MICAL2: variants seen among roughly 807,000 people sequenced by gnomAD.
The protein encoded by MICAL2 is [F-actin]-monooxygenase MICAL2.
MICAL2 carries 77 observed loss-of-function variants against 127.3 expected under a neutral mutation model. That is an observed-to-expected ratio of 0.60 (90% CI 0.50 to 0.73). MICAL2 has a LOEUF of 0.73. Among genes scored for constraint, MICAL2 ranks in the 30% least tolerant of loss-of-function variants. MICAL2 has a pLI of 0.00. For synonymous variants in MICAL2, 570 were observed against 551.1 expected, an observed-to-expected ratio of 1.03 and a Z score of -0.48; for missense variants, 1,351 against 1,434.4, an observed-to-expected ratio of 0.94 and a Z score of 0.94.
chr11:12,293,124 A>T (rs1289841553), downstream of MICAL2, among the ~76,000 whole-genome samples: 2 of 152,216 alleles, frequency 1.3e-5, no homozygotes, highest in Non-Finnish European at 2.9e-5. Context: ...TTGTTGGAGG[A>T]ACATACCTAT....
downstream of MICAL2, among the ~76,000 whole-genome samples, chr11:12,290,963 T>TG (rs1432489742): frequency 2.6e-5 from 4 of 152,102 alleles, no homozygotes; most frequent in Non-Finnish European, 2.9e-5. Context: ...CTCAGAGCTT[T>TG]GGGGAAACTA....
At chr11:12,316,074 TTGATACAGCCACA>T (rs1480231278) in intron 29 of MICAL2, among the ~76,000 whole-genome samples, 5 of 152,104 alleles carry the variant, frequency 3.3e-5, no homozygotes, top group Non-Finnish European at 7.4e-5. Context: ...ACAAATTACT[TTGATACAGCCACA>T]TGATCTTTCT....
intron 29 of MICAL2, among the ~76,000 whole-genome samples, chr11:12,315,445 C>CA (rs1227072949): frequency 1.3e-5 from 2 of 152,040 alleles, no homozygotes; most frequent in African/African-American, 4.8e-5. Context: ...GACTCTGTCT[C>CA]AAAAATACAT....
intron 3 of MICAL2, among the ~76,000 whole-genome samples, chr11:12,192,562 G>A (rs1376503329): frequency 3.9e-5 from 6 of 152,172 alleles, no homozygotes; most frequent in African/African-American, 1.4e-4. Flanking sequence ...TGAATCACTT[G>A]AAGTCAGGAG....
Position 12,262,519 on chromosome 11 carries a change from G to T in MICAL2, c.3374G>T (p.Ter1125LeuextTer12). The T allele has an allele frequency of 6.2e-7, 1 of 1,613,448 alleles. No homozygotes were observed. Reference protein sequence around the residue: ...SLPVLHPLLG* With the variant: ...SLPVLHPLLGL ...CCAGTGCTACACCCACTTCTTGGCT[G>T]ACACACTTCTGCTCTAAGGTGACTG... is the stretch of plus-strand genomic sequence containing the variant. The change falls in exon 27 of 28, where the codon TGA (stop) becomes TTA (leucine). Residue 1125 changes from the stop codon to leucine, a stop_lost. Coordinates refer to ENST00000683283, the MANE Select transcript of MICAL2 (RefSeq NM_001282663.2).
rs77952477 is a variant in MICAL2 at position 12,270,588 on chromosome 11, C to G, written c.3335-5398C>G. Among the ~76,000 whole-genome samples the G allele has an allele frequency of 9.9e-3, 1,503 of 152,304 alleles. 24 individuals carry two copies. The highest frequency in any genetic ancestry group is 0.032 in the African/African-American group (1,322 of 41,556). ...CATCCCTGTTTGGCTTTTAGCTCTT[C>G]CGGCACCATTGCAGTTCATTTCCTG... On this transcript the variant is annotated intron_variant, in intron 24 of 34. Coordinates refer to the MICAL2 transcript ENST00000646065.
downstream of MICAL2, chr11:12,294,345 C>T (rs773235182): frequency 5.6e-6 from 9 of 1,614,204 alleles, no homozygotes; most frequent in South Asian, 8.8e-5. Flanking sequence ...ACTTTGCCCG[C>T]ACAGGCCTGC....
chr11:12,166,748 T>G (rs59789281), intron 3 of MICAL2, among the ~76,000 whole-genome samples: 9,962 of 152,206 alleles, frequency 0.065, 941 homozygotes, highest in African/African-American at 0.21. Context: ...GAGAGAGGTA[T>G]GTACACTGGT....
chr11:12,252,061 G>A (rs1227713189), intron 22 of MICAL2, among the ~76,000 whole-genome samples: 4 of 152,132 alleles, frequency 2.6e-5, no homozygotes, highest in Non-Finnish European at 5.9e-5. Context: ...ACAAGGGGCT[G>A]GGCAGGCAGT....
chr11:12,285,435 G>A (rs1050197920), intron 2 of MICAL2, among the ~76,000 whole-genome samples: 8 of 152,162 alleles, frequency 5.3e-5, no homozygotes, highest in African/African-American at 1.9e-4. Context: ...GCAGGAAGGG[G>A]GTTTGTCTGG....
At chr11:12,359,077 A>G (rs1249508890), downstream of MICAL2, 1 of 152,672 alleles carries the variant, frequency 6.5e-6, no homozygotes, top group Non-Finnish European at 1.5e-5. Flanking sequence ...TGCATTTATA[A>G]GCCTTAATAT....
downstream of MICAL2, chr11:12,293,411 A>C (rs144344730): frequency 2.8e-4 from 291 of 1,046,748 alleles, 1 homozygote; most frequent in East Asian, 7.2e-3. Flanking sequence ...TATCCCTTTA[A>C]AATCATCTTA....
intron 30 of MICAL2, among the ~76,000 whole-genome samples, chr11:12,321,350 T>C (rs1864292774): frequency 6.6e-6 from 1 of 152,166 alleles, no homozygotes; most frequent in African/African-American, 2.4e-5. Context: ...TTCTATCCCA[T>C]GCAGGTGTGT....
intron 23 of MICAL2, 177 bp downstream of exon 23, chr11:12,255,927 T>C: frequency 1.8e-6 from 1 of 555,348 alleles, no homozygotes; most frequent in Non-Finnish European, 3.2e-6. Context: ...TGCTTTTCCT[T>C]AAAGACAGAT....
At chr11:12,167,107 A>G (rs1044429261) in intron 3 of MICAL2, among the ~76,000 whole-genome samples, 2 of 152,210 alleles carry the variant, frequency 1.3e-5, no homozygotes, top group African/African-American at 4.8e-5. Flanking sequence ...CTGATTCCCA[A>G]TCCTGTCCAG....
At chr11:12,156,921 T>C (rs1854253613) in intron 2 of MICAL2, among the ~76,000 whole-genome samples, 1 of 152,234 alleles carries the variant, frequency 6.6e-6, no homozygotes, top group South Asian at 2.1e-4. Context: ...CCAAGGAACC[T>C]GGGCCTTCCT....
In MICAL2 at chr11:12,260,169, C is replaced by T. The variant is rs148253263; in HGVS notation, c.3334+272C>T. ...TCAGGTGCTTCCCAGTCAAGCTCCG[C>T]TGACATGGCTGGCTGCCCCAAAGTG... On this transcript the variant is annotated intron_variant, in intron 26 of 27. Coordinates refer to ENST00000683283, the MANE Select transcript of MICAL2 (RefSeq NM_001282663.2). 5,125 of 1,502,590 alleles carry T rather than the reference C, an allele frequency of 3.4e-3. 11 individuals carry two copies. Among genetic ancestry groups the T allele is most frequent in the Admixed American group, 4.6e-3 (216 of 47,094 alleles). The allele number at this position is 1,502,590 out of a possible 1,614,324, so 93.1% of individuals were successfully genotyped here.
At chr11:12,293,565 C>T, downstream of MICAL2, 4 of 1,600,384 alleles carry the variant, frequency 2.5e-6, no homozygotes, top group Non-Finnish European at 3.4e-6. Flanking sequence ...ATCTAGATGA[C>T]AGCTTCTGAG....
chr11:12,195,068 C>T (rs530685367), intron 3 of MICAL2, among the ~76,000 whole-genome samples: 2 of 152,222 alleles, frequency 1.3e-5, no homozygotes, highest in South Asian at 4.1e-4. Flanking sequence ...CCAGCCTAGG[C>T]AACATAGGGA....
Sources: allele counts gnomAD v4.1 joint callset (sites outside exome capture counted in the v4.1 genomes callset), GRCh38; gene constraint gnomAD v4.1.1; transcripts MANE v1.5; gene names NCBI Gene and HGNC (gene_info 2026-07-23, HGNC 2026-07-21).